Variants in DPYD observed in about 807,000 individuals in gnomAD.
The protein encoded by DPYD is dihydropyrimidine dehydrogenase, also known as dihydropyrimidine dehydrogenase [NADP(+)].
Under a neutral mutation model 116.2 loss-of-function variants are expected in DPYD, and 109 were observed. The observed-to-expected ratio is 0.94, with a 90% CI of 0.80 to 1.10. The LOEUF is 1.10. Among genes scored for constraint, DPYD ranks in the 50% least tolerant of loss-of-function variants. The pLI, the probability that DPYD is intolerant of heterozygous loss-of-function variation, is 0.00. For synonymous variants in DPYD, 440 were observed against 432.0 expected (o/e 1.02, Z -0.23); for missense variants, 1,302 against 1,254.5 (o/e 1.04, Z -0.57).
intron 5 of DPYD, among the ~76,000 whole-genome samples, chr1:97,716,354 A>T (rs1662615074): frequency 6.6e-6 from 1 of 152,018 alleles, no homozygotes; most frequent in South Asian, 2.1e-4. Context: ...AGAATAAAAC[A>T]CCCCATCATA....
intron 12 of DPYD, among the ~76,000 whole-genome samples, chr1:97,528,190 C>A (rs761883965): frequency 6.6e-6 from 1 of 152,038 alleles, no homozygotes; most frequent in Admixed American, 6.5e-5. Context: ...TAGCTGTTTC[C>A]ATGATGGAAA....
chr1:97,716,585 G>C (rs1662628572), intron 5 of DPYD, among the ~76,000 whole-genome samples: 1 of 152,082 alleles, frequency 6.6e-6, no homozygotes, highest in African/African-American at 2.4e-5. Context: ...GCTTTCTGTA[G>C]AGAATCCAGG....
chr1:97,789,895 T>C (rs1326520013), intron 3 of DPYD, among the ~76,000 whole-genome samples: 3 of 152,210 alleles, frequency 2.0e-5, no homozygotes, highest in Non-Finnish European at 4.4e-5. Flanking sequence ...TTAATTTATA[T>C]ACTGCTTTAA....
rs200610277 is a variant in DPYD at position 97,359,054 on chromosome 1, T to G, written c.2058+14507A>C. Among the ~76,000 whole-genome samples, 16 of 151,680 alleles carry G rather than the reference T, an allele frequency of 1.1e-4. No homozygotes were observed. The East Asian group carries it at 3.1e-3, about 29-fold the overall frequency. ...TGTTCGAACCCATCGCAAGGAAGCT[T>G]AAAACCTTGAAAAAAGATGAGATGA... On this transcript the variant is annotated intron_variant, in intron 16 of 22. Coordinates refer to ENST00000370192, the MANE Select transcript of DPYD (RefSeq NM_000110.4).
At chr1:97,766,543 T>C (rs1665865892) in intron 3 of DPYD, among the ~76,000 whole-genome samples, 1 of 152,172 alleles carries the variant, frequency 6.6e-6, no homozygotes, top group African/African-American at 2.4e-5. Flanking sequence ...TTAAAGACTA[T>C]GATCAAATTA....
intron 3 of DPYD, among the ~76,000 whole-genome samples, chr1:97,772,415 T>C (rs896857196): frequency 1.1e-4 from 17 of 152,196 alleles, no homozygotes; most frequent in African/African-American, 4.1e-4. Flanking sequence ...CCTCTCATCC[T>C]ATCTTCTCTC....
rs538448722 is a variant in DPYD at position 97,579,944 on chromosome 1, GA to G, written c.1129-5975del. ...GAAAGATATGTGGCTGATGCTGAGT[GA>G]AATAAAAATAGCATGCTATAAACTT... On this transcript the variant is annotated intron_variant, in intron 10 of 22. Transcript: ENST00000370192. 2.3e-3 allele frequency among the ~76,000 whole-genome samples: 350 copies of G among 152,290 alleles called. 1 individual carries two copies. The highest frequency in any genetic ancestry group is 3.7e-3 in the Non-Finnish European group (253 of 68,020).
chr1:97,798,968 TA>T (rs1667720760), intron 3 of DPYD, among the ~76,000 whole-genome samples: 1 of 152,000 alleles, frequency 6.6e-6, no homozygotes. Flanking sequence ...ATCTTCAAAT[TA>T]TGGAACCTTT....
At chr1:97,132,850 C>T (rs1233094470) in intron 20 of DPYD, among the ~76,000 whole-genome samples, 1 of 151,994 alleles carries the variant, frequency 6.6e-6, no homozygotes, top group East Asian at 1.9e-4. Context: ...GGATTATTTA[C>T]TTAGAGTTAA....
At chr1:97,244,305 A>G (rs1378071964) in intron 18 of DPYD, among the ~76,000 whole-genome samples, 1 of 152,048 alleles carries the variant, frequency 6.6e-6, no homozygotes, top group Non-Finnish European at 1.5e-5. Context: ...AAAAGTGTTA[A>G]GATAATCCCT....
chr1:97,653,882 G>A lies in DPYD; in HGVS notation c.850+25213C>T, dbSNP rs528136922. ...TAAACATAAGGTATGGTCCTTATAC[G>A]AAATAATAAGGCTTTAATTATGAAA... is the stretch of plus-strand genomic sequence containing the variant. On this transcript the variant is annotated intron_variant, in intron 8 of 22. Transcript: ENST00000370192. 3.9e-5 allele frequency among the ~76,000 whole-genome samples: 6 copies of A among 152,214 alleles called. 1 individual carries two copies. The South Asian group carries it at 1.0e-3, about 26-fold the overall frequency.
At chr1:97,758,702 G>C (rs1370445517) in intron 3 of DPYD, among the ~76,000 whole-genome samples, 1 of 152,146 alleles carries the variant, frequency 6.6e-6, no homozygotes, top group East Asian at 1.9e-4. Context: ...GTCCTTAAGA[G>C]AGTTATTTAA....
At chr1:97,308,277 A>G (rs1476984761) in intron 16 of DPYD, 1 of 151,714 alleles carries the variant, frequency 6.6e-6, no homozygotes, top group Non-Finnish European at 1.5e-5. Context: ...TGTTTACTTG[A>G]ATCATCTGTC....
intron 20 of DPYD, among the ~76,000 whole-genome samples, chr1:97,171,492 G>A (rs952255759): frequency 1.3e-5 from 2 of 152,178 alleles, no homozygotes; most frequent in African/African-American, 2.4e-5. Context: ...AGAGGTGGTA[G>A]AATGTAGTAG....
chr1:97,449,314 A>G (rs567379086), intron 14 of DPYD, among the ~76,000 whole-genome samples: 1 of 152,256 alleles, frequency 6.6e-6, no homozygotes, highest in South Asian at 2.1e-4. Flanking sequence ...GAATGAAAGA[A>G]AGAGAAATAA....
chr1:97,887,078 C>T (rs1435502757), intron 1 of DPYD, among the ~76,000 whole-genome samples: 1 of 151,966 alleles, frequency 6.6e-6, no homozygotes, highest in East Asian at 1.9e-4. Context: ...CAAAGAGACA[C>T]CTGATAAAAC....
intron 20 of DPYD, among the ~76,000 whole-genome samples, chr1:97,174,964 AT>A (rs1657141232): frequency 6.6e-6 from 1 of 152,160 alleles, no homozygotes. Context: ...CATAAATGAA[AT>A]CATTTGGTAA....
chr1:97,466,172 C>CA (rs926700178), intron 13 of DPYD, among the ~76,000 whole-genome samples: 4 of 152,110 alleles, frequency 2.6e-5, no homozygotes, highest in African/African-American at 7.2e-5. Flanking sequence ...AAAATTATAA[C>CA]AAAAAAAGTT....
At chr1:97,919,689 G>T (rs922912019) in intron 1 of DPYD, among the ~76,000 whole-genome samples, 3 of 152,120 alleles carry the variant, frequency 2.0e-5, no homozygotes, top group African/African-American at 7.2e-5. Flanking sequence ...GCACACAGAT[G>T]AACAACTATT....
Sources: gnomAD v4.1 joint callset for allele counts (sites outside exome capture counted in the v4.1 genomes callset) on GRCh38, gnomAD v4.1.1 for gene constraint, MANE v1.5 for transcripts, NCBI Gene and HGNC (gene_info 2026-07-23, HGNC 2026-07-21) for gene names.